The following NTNG1 variants were observed in gnomAD, a reference collection of about 807,000 sequenced individuals.
NTNG1 encodes netrin-G1.
NTNG1 carries 16 observed loss-of-function variants against 54.0 expected under a neutral mutation model. The observed-to-expected ratio is 0.30, with a 90% CI of 0.20 to 0.45. NTNG1 has a LOEUF of 0.45. Ranked by LOEUF, NTNG1 falls within the 20% of genes least tolerant of loss-of-function variation. The pLI is 1.00. For missense variants in NTNG1, 530 were observed against 678.7 expected (o/e 0.78, Z 2.43); for synonymous variants, 255 against 263.1 (o/e 0.97, Z 0.30).
intron 5 of NTNG1, among the ~76,000 whole-genome samples, chr1:107,429,981 A>G (rs747531134): frequency 6.6e-6 from 1 of 152,130 alleles, no homozygotes; most frequent in Non-Finnish European, 1.5e-5. Flanking sequence ...AGAGAAACCA[A>G]GGAAAAGAAA....
chr1:107,389,798 A>G (rs890945910), intron 3 of NTNG1, among the ~76,000 whole-genome samples: 7 of 152,218 alleles, frequency 4.6e-5, no homozygotes, highest in African/African-American at 1.7e-4. Context: ...TCTCGAGAAC[A>G]TCAGACATGT....
intron 2 of NTNG1, among the ~76,000 whole-genome samples, chr1:107,297,357 G>C (rs1666045811): frequency 1.3e-5 from 2 of 151,304 alleles, no homozygotes; most frequent in Admixed American, 6.6e-5. Context: ...AAAAAACAGA[G>C]GCAGTGGTGA....
At chr1:107,386,694 A>G (rs191245471) in intron 3 of NTNG1, among the ~76,000 whole-genome samples, 1 of 152,282 alleles carries the variant, frequency 6.6e-6, no homozygotes, top group East Asian at 1.9e-4. Flanking sequence ...GTTGCTTTTA[A>G]TATTTGCGTA....
intron 3 of NTNG1, among the ~76,000 whole-genome samples, chr1:107,333,655 GTGTT>G (rs1276712117): frequency 1.3e-5 from 2 of 151,806 alleles, no homozygotes; most frequent in African/African-American, 2.4e-5. Context: ...GTGCATGTGT[GTGTT>G]TGTGTGTGTG....
chr1:107,189,365 A>AAAAC (rs1657718958), intron 2 of NTNG1, among the ~76,000 whole-genome samples: 1 of 151,218 alleles, frequency 6.6e-6, no homozygotes, highest in East Asian at 1.9e-4. Flanking sequence ...AAAAAAAAAA[A>AAAAC]AGTTTGGGTG....
intron 2 of NTNG1, among the ~76,000 whole-genome samples, chr1:107,273,657 TCA>T (rs909580378): frequency 6.6e-6 from 1 of 152,310 alleles, no homozygotes; most frequent in East Asian, 1.9e-4. Context: ...AGCTTTTTTC[TCA>T]CAGTTCTGAA....
intron 6 of NTNG1, among the ~76,000 whole-genome samples, chr1:107,431,365 T>A (rs1675254896): frequency 6.6e-6 from 1 of 152,148 alleles, no homozygotes; most frequent in African/African-American, 2.4e-5. Context: ...CGAGTATTGA[T>A]AGATTGAAAA....
At chr1:107,436,397 A>G (rs940131052) in intron 6 of NTNG1, among the ~76,000 whole-genome samples, 17 of 152,328 alleles carry the variant, frequency 1.1e-4, no homozygotes, top group African/African-American at 3.8e-4. Context: ...AACAAATGGA[A>G]TCTCCATTAC....
At chr1:107,266,309 A>C (rs566050341) in intron 2 of NTNG1, among the ~76,000 whole-genome samples, 1 of 152,292 alleles carries the variant, frequency 6.6e-6, no homozygotes, top group African/African-American at 2.4e-5. Context: ...TAAAGAAAAT[A>C]GATTTAATTG....
At chr1:107,224,295 C>T (rs1463602174) in intron 2 of NTNG1, among the ~76,000 whole-genome samples, 1 of 152,150 alleles carries the variant, frequency 6.6e-6, no homozygotes, top group Admixed American at 6.5e-5. Flanking sequence ...ATGTAAAACC[C>T]TAAATCAAAG....
At chr1:107,407,615 TAAGTTA>T in intron 4 of NTNG1, 61 bp from the exon 5 acceptor site, 1 of 1,282,438 alleles carries the variant, frequency 7.8e-7, no homozygotes, top group Admixed American at 2.2e-5. Context: ...ATTTTTATAT[TAAGTTA>T]AAGATGTTAT....
At chr1:107,185,000 G>T (rs1236125090) in intron 2 of NTNG1, among the ~76,000 whole-genome samples, 1 of 152,094 alleles carries the variant, frequency 6.6e-6, no homozygotes, top group Non-Finnish European at 1.5e-5. Flanking sequence ...GTCTCCTCAC[G>T]TGTCTGGCAG....
At chr1:107,359,505 C>T (rs1441620445) in intron 3 of NTNG1, among the ~76,000 whole-genome samples, 1 of 152,036 alleles carries the variant, frequency 6.6e-6, no homozygotes, top group Non-Finnish European at 1.5e-5. Context: ...CTATTCATAC[C>T]TATAGGATGA....
chr1:107,268,492 T>C (rs1331767084), intron 2 of NTNG1, among the ~76,000 whole-genome samples: 2 of 152,092 alleles, frequency 1.3e-5, no homozygotes, highest in Non-Finnish European at 1.5e-5. Flanking sequence ...TCATATTTTT[T>C]TTTTTTTTTG....
At chr1:107,451,785 G>A (rs932122129) in intron 7 of NTNG1, among the ~76,000 whole-genome samples, 1 of 152,050 alleles carries the variant, frequency 6.6e-6, no homozygotes, top group African/African-American at 2.4e-5. Context: ...AACATCATAG[G>A]TACCATATAA....
chr1:107,224,017 T>A (rs1660519145), intron 2 of NTNG1, among the ~76,000 whole-genome samples: 1 of 152,328 alleles, frequency 6.6e-6, no homozygotes, highest in Admixed American at 6.5e-5. Flanking sequence ...TAAGATATTT[T>A]AATTAGAGCA....
chr1:107,202,107 A>G (rs1463445580), intron 2 of NTNG1, among the ~76,000 whole-genome samples: 1 of 151,742 alleles, frequency 6.6e-6, no homozygotes, highest in Non-Finnish European at 1.5e-5. Context: ...AAGAGTTTTT[A>G]AAAAACCTTT....
chr1:107,160,933 A>G (rs2101053820), intron 2 of NTNG1, among the ~76,000 whole-genome samples: 1 of 152,318 alleles, frequency 6.6e-6, no homozygotes, highest in African/African-American at 2.4e-5. Flanking sequence ...TGGGGATTAT[A>G]GTAAAAATAT....
At chr1:107,157,298 A>G (rs1016536826) in intron 2 of NTNG1, among the ~76,000 whole-genome samples, 6 of 152,182 alleles carry the variant, frequency 3.9e-5, no homozygotes, top group Non-Finnish European at 8.8e-5. Flanking sequence ...CTAGCATATG[A>G]ATATCTCTTC....
Sources: allele counts gnomAD v4.1 joint callset (sites outside exome capture counted in the v4.1 genomes callset), GRCh38; gene constraint gnomAD v4.1.1; transcripts MANE v1.5; gene names NCBI Gene and HGNC (gene_info 2026-07-23, HGNC 2026-07-21).